KDM5D: variants seen among roughly 807,000 people sequenced by gnomAD.
The protein encoded by KDM5D is lysine-specific demethylase 5D.
Under a neutral mutation model 31.9 loss-of-function variants are expected in KDM5D, and 25 were observed. The observed-to-expected ratio is 0.78, with a 90% CI of 0.57 to 1.09. The LOEUF (loss-of-function observed/expected upper bound fraction) is 1.09, where lower values mean the gene tolerates loss of function less well. KDM5D is among the 50% of genes least tolerant of loss of function. The pLI, the probability that KDM5D is intolerant of heterozygous loss-of-function variation, is 0.00. For missense variants in KDM5D, 366 were observed against 341.6 expected (o/e 1.07, Z -0.56); for synonymous variants, 146 against 122.3 (o/e 1.19, Z -1.28).
Position 19,731,848 on chromosome Y carries a change from G to A in KDM5D, c.1295C>T (p.Ala432Val). 1 of 393,329 alleles carries A rather than the reference G, an allele frequency of 2.5e-6. No homozygotes were observed. Reference sequence around the variant, plus strand: ...GCCAAATTCTTTGGAATGAATATCAGCTCCATATTCAACTGTCACGTCTTC... The same window carrying A: ...GCCAAATTCTTTGGAATGAATATCAACTCCATATTCAACTGTCACGTCTTC... Reference protein sequence around the residue: ...IEEDVTVEYGADIHSKEFGSG... With the variant: ...IEEDVTVEYGVDIHSKEFGSG... The change falls in exon 11 of 27, where the codon GCT (alanine) becomes GTT (valine). Residue 432 changes from alanine to valine, a missense_variant. By Grantham distance (64) the Ala-to-Val change is moderately conservative (BLOSUM62 0). Coordinates refer to ENST00000317961, the MANE Select transcript of KDM5D (RefSeq NM_004653.5).
Position 19,741,502 on chromosome Y carries a change from A to G in KDM5D, c.352-14T>C. ...CTCAATCACAATCTGAAAGTATAAG[A>G]AACAATATGGATGAACTGTGAACAG... On this transcript the variant is annotated splice_polypyrimidine_tract_variant and intron_variant, in intron 4 of 26. Transcript: ENST00000317961. The G allele has an allele frequency of 5.5e-6, 2 of 364,702 alleles. No individual in the cohort carries two copies. Among genetic ancestry groups the G allele is most frequent in the Non-Finnish European group, 3.9e-6 (1 of 255,017 alleles). 91.0% of individuals were successfully genotyped at this position (364,702 alleles called of 400,897 possible). A position where few individuals can be genotyped will look rare whatever the true frequency, so the allele number is the denominator to read the frequency against.
At chrY:19,719,026 C>T in intron 13 of KDM5D, among the ~76,000 whole-genome samples, 1 of 30,968 alleles carries the variant, frequency 3.2e-5, no homozygotes, top group Non-Finnish European at 7.9e-5. Context: ...AAAAATTAGC[C>T]GGGCGTAGTG....
chrY:19,716,237 T>C, intron 15 of KDM5D, 42 bp downstream of exon 15: 1 of 350,823 alleles, frequency 2.9e-6, no homozygotes, highest in Non-Finnish European at 4.2e-6. Flanking sequence ...TGTAACGTAA[T>C]ATATGTGACT....
chrY:19,744,358 T>A lies in KDM5D; in HGVS notation c.150+27A>T, dbSNP rs751646629. ...CAACGTTCAAACCAAAGGCTACCCA[T>A]TCCCAAATTTTGTTTCAAAGACTTA... On this transcript the variant is annotated intron_variant, in intron 2 of 26. Transcript: ENST00000317961. 37 of 376,115 alleles carry A rather than the reference T, an allele frequency of 9.8e-5. No homozygotes were observed. In the Admixed American group the frequency reaches 3.1e-3, roughly 32 times the overall value. 93.8% of individuals were successfully genotyped at this position (376,115 alleles called of 400,897 possible).
chrY:19,710,413 C>G lies in KDM5D; in HGVS notation c.2546G>C (p.Ser849Thr). 1 of 389,803 alleles carries G rather than the reference C, an allele frequency of 2.6e-6. No individual in the cohort carries two copies. The highest frequency in any genetic ancestry group is 3.1e-5 in the South Asian group (1 of 31,977). ...ELRVLLEQMGSLPCAMHQIGD... is the reference protein window; with the variant it reads ...ELRVLLEQMGTLPCAMHQIGD... Reference sequence around the variant, plus strand: ...AATCTGATGCATGGCACAGGGCAGGCTGCCCATCTGCTCAAGAAGGACCCG... The same window carrying G: ...AATCTGATGCATGGCACAGGGCAGGGTGCCCATCTGCTCAAGAAGGACCCG... The change falls in exon 19 of 27, where the codon AGC becomes ACC. Residue 849 changes from serine (S) to threonine (T), a missense_variant. Transcript: ENST00000317961.
intron 18 of KDM5D, among the ~76,000 whole-genome samples, chrY:19,714,170 G>A: frequency 1.2e-4 from 4 of 32,847 alleles, no homozygotes; most frequent in Non-Finnish European, 3.0e-4. Flanking sequence ...AAGGTGGGAG[G>A]AGAGAGAGGA....
intron 11 of KDM5D, among the ~76,000 whole-genome samples, chrY:19,725,465 T>C (rs558450907): frequency 6.0e-5 from 2 of 33,435 alleles, no homozygotes; most frequent in African/African-American, 2.3e-4. Context: ...ATGGGCTTAA[T>C]AAATGGTGTT....
At chrY:19,735,301 A>G (rs752061025) in intron 8 of KDM5D, 51 bp downstream of exon 8, 1 of 350,697 alleles carries the variant, frequency 2.9e-6, no homozygotes, top group South Asian at 3.1e-5. Context: ...TTTAGGTTCA[A>G]TATAATCTTG....
chrY:19,721,510 C>T (rs2045395191), intron 11 of KDM5D, 199 bp from the exon 12 acceptor site: 6 of 109,749 alleles, frequency 5.5e-5, no homozygotes, highest in Admixed American at 1.6e-4. Context: ...TGCCGGAGGT[C>T]CCAGCCAGAG....
chrY:19,708,064 C>A lies in KDM5D; in HGVS notation c.3269G>T (p.Cys1090Phe). The change falls in exon 23 of 27, where the codon TGC becomes TTC. Residue 1090 changes from cysteine to phenylalanine, a missense_variant. Physicochemically the swap from Cys to Phe is radical, Grantham distance 205 (BLOSUM62 -2). Transcript: ENST00000317961. ...GTCTGAGCCAGCGTCTGCACACGGGCAAAGCACCTGAGGCAGGCAGGCAGA... is the reference window on the plus strand; with the variant it reads ...GTCTGAGCCAGCGTCTGCACACGGGAAAAGCACCTGAGGCAGGCAGGCAGA... ...NSCYTLLEVL[C>F]PCADAGSDST... 1 of 387,027 alleles carries A rather than the reference C, an allele frequency of 2.6e-6. No individual in the cohort carries two copies. Among genetic ancestry groups the A allele is most frequent in the Non-Finnish European group, 3.6e-6 (1 of 276,840 alleles).
intron 3 of KDM5D, 133 bp from the exon 4 acceptor site, chrY:19,741,990 T>C: frequency 7.2e-6 from 1 of 138,187 alleles, no homozygotes; most frequent in Non-Finnish European, 1.3e-5. Context: ...AGCTTCACTG[T>C]CTTATCTCAC....
At chrY:19,728,610 G>A (rs768875417) in intron 11 of KDM5D, among the ~76,000 whole-genome samples, 1 of 32,505 alleles carries the variant, frequency 3.1e-5, no homozygotes, top group East Asian at 8.3e-4. Context: ...CACCTGCCTC[G>A]GCCTCCCAAA....
In KDM5D at chrY:19,744,470, G is replaced by T; in HGVS notation, c.65C>A (p.Ala22Asp). Residue 22 changes from alanine to aspartate, a missense_variant, in exon 2 of 27, where the codon GCT becomes GAT. Transcript: ENST00000317961. ...PECPVFEPSW[A>D]EFQDPLGYIA... ...GTAGCCAAGCGGGTCTTGGAATTCAGCCCAGCTAGGCTCAAAAACCGGGCA... is the reference window on the plus strand; with the variant it reads ...GTAGCCAAGCGGGTCTTGGAATTCATCCCAGCTAGGCTCAAAAACCGGGCA... The T allele has an allele frequency of 2.5e-6, 1 of 395,402 alleles. No individual in the cohort carries two copies. Among genetic ancestry groups the T allele is most frequent in the Non-Finnish European group, 3.6e-6 (1 of 281,296 alleles).
rs373202844 is a variant in KDM5D, at chrY:19,710,520, T to C, written c.2487-48A>G. 79 of 246,593 alleles carry C rather than the reference T, an allele frequency of 3.2e-4. No individual in the cohort carries two copies. In the African/African-American group the frequency reaches 5.2e-3, roughly 16 times the overall value. 61.5% of individuals were successfully genotyped at this position (246,593 alleles called of 400,897 possible). On this transcript the variant is annotated intron_variant, in intron 18 of 26. Coordinates refer to ENST00000317961, the MANE Select transcript of KDM5D (RefSeq NM_004653.5). ...CTCGTAATGTCACATTTCAAACAATTTGAGACTTTTAATATACTTCCTTCC... is the reference window on the plus strand; with the variant it reads ...CTCGTAATGTCACATTTCAAACAATCTGAGACTTTTAATATACTTCCTTCC...
At chrY:19,714,115 C>T in intron 18 of KDM5D, among the ~76,000 whole-genome samples, 1 of 32,698 alleles carries the variant, frequency 3.1e-5, no homozygotes, top group Non-Finnish European at 7.5e-5. Flanking sequence ...CACATGGACG[C>T]ACGCATAGAG....
chrY:19,722,315 T>TGGATATCCACATGCAAAA (rs2124196351), intron 11 of KDM5D: 1 of 33,057 alleles, frequency 3.0e-5, no homozygotes, highest in South Asian at 7.2e-4. Flanking sequence ...TTGGAAAACC[T>TGGATATCCACATGCAAAA]GGATATCCAC....
chrY:19,740,260 T>C (rs2045538339), intron 5 of KDM5D, among the ~76,000 whole-genome samples: 1 of 33,547 alleles, frequency 3.0e-5, no homozygotes, highest in Non-Finnish European at 7.4e-5. Flanking sequence ...TATTTTAAAG[T>C]TTTACGGATA....
intron 13 of KDM5D, among the ~76,000 whole-genome samples, chrY:19,718,760 A>C: frequency 2.9e-5 from 1 of 34,351 alleles, no homozygotes; most frequent in Admixed American, 2.6e-4. Context: ...ACTATTGTAC[A>C]TAAAAGCAAC....
chrY:19,719,238 A>G, intron 13 of KDM5D, among the ~76,000 whole-genome samples: 1 of 33,844 alleles, frequency 3.0e-5, no homozygotes, highest in African/African-American at 1.2e-4. Context: ...GCCCAGGCTT[A>G]CTTACTTACT....
Sources: allele counts gnomAD v4.1 joint callset (sites outside exome capture counted in the v4.1 genomes callset), GRCh38; gene constraint gnomAD v4.1.1; transcripts MANE v1.5; gene names NCBI Gene and HGNC (gene_info 2026-07-23, HGNC 2026-07-21).